Variants in IL1RAPL1 observed in about 807,000 individuals in gnomAD.
IL1RAPL1 encodes interleukin 1 receptor accessory protein like 1.
Under a neutral mutation model 48.4 loss-of-function variants are expected in IL1RAPL1, and 3 were observed. The observed-to-expected ratio is 0.06, with a 90% CI of 0.03 to 0.16. The LOEUF (loss-of-function observed/expected upper bound fraction) is 0.16. IL1RAPL1 is among the 10% of genes least tolerant of loss of function. The probability of loss-of-function intolerance (pLI) is 1.00; values close to 1 mark genes in which losing one functional copy is unlikely to be tolerated. For missense variants in IL1RAPL1, 349 were observed against 530.6 expected (o/e 0.66, Z 3.36); for synonymous variants, 185 against 187.7 (o/e 0.99, Z 0.12).
At chrX:29,166,889 A>G (rs921533691) in intron 2 of IL1RAPL1, among the ~76,000 whole-genome samples, 5 of 111,703 alleles carry the variant, frequency 4.5e-5, no homozygotes, top group African/African-American at 1.6e-4. Context: ...ACTTCAGCCA[A>G]TTATCTCCTT....
At chrX:29,533,555 G>T (rs189352671) in intron 5 of IL1RAPL1, among the ~76,000 whole-genome samples, 70 of 112,048 alleles carry the variant, frequency 6.2e-4, no homozygotes, top group Non-Finnish European at 1.2e-3. Flanking sequence ...ATGCTGCTAT[G>T]AATGTTTTTG....
At chrX:28,637,353 A>T (rs1019584383) in intron 1 of IL1RAPL1, among the ~76,000 whole-genome samples, 4 of 111,881 alleles carry the variant, frequency 3.6e-5, no homozygotes, top group Admixed American at 1.9e-4. Context: ...TTCCCTGTCC[A>T]ACCAGATATA....
intron 3 of IL1RAPL1, among the ~76,000 whole-genome samples, chrX:29,296,093 A>G (rs1354983220): frequency 8.9e-6 from 1 of 112,160 alleles, no homozygotes; most frequent in Admixed American, 9.4e-5. Flanking sequence ...TCAGGCAGAG[A>G]TGTGTTTTCA....
At chrX:29,583,624 G>A (rs61171147) in intron 5 of IL1RAPL1, among the ~76,000 whole-genome samples, 7,460 of 68,221 alleles carry the variant, frequency 0.11, 697 homozygotes, top group African/African-American at 0.24. Flanking sequence ...AATCAATATC[G>A]TGAAAATGGC....
chrX:29,593,121 T>A (rs751206390), intron 5 of IL1RAPL1, among the ~76,000 whole-genome samples: 59 of 111,763 alleles, frequency 5.3e-4, no homozygotes, highest in African/African-American at 1.9e-3. Context: ...CCATGGTGTT[T>A]GCTAGGTTTT....
intron 2 of IL1RAPL1, among the ~76,000 whole-genome samples, chrX:28,938,733 AACAG>A (rs753829932): frequency 7.4e-4 from 83 of 111,793 alleles, no homozygotes; most frequent in African/African-American, 2.1e-3. Context: ...CAACAGAGTA[AACAG>A]ACAGCCTACA....
chrX:29,357,319 T>C (rs1933318402), intron 3 of IL1RAPL1, among the ~76,000 whole-genome samples: 1 of 112,169 alleles, frequency 8.9e-6, no homozygotes, highest in South Asian at 3.7e-4. Flanking sequence ...AAATCCTGTT[T>C]TTTTACTTAG....
chrX:29,810,033 G>C (rs1165346210), intron 6 of IL1RAPL1, among the ~76,000 whole-genome samples: 1 of 110,631 alleles, frequency 9.0e-6, no homozygotes, highest in African/African-American at 3.3e-5. Flanking sequence ...CTGCCTGTAA[G>C]AATTTGGTTG....
rs141331983 is a variant in IL1RAPL1, at chrX:29,879,218, A to G, written c.779-38246A>G. Among the ~76,000 whole-genome samples, 548 of 110,710 alleles carry G rather than the reference A, an allele frequency of 4.9e-3. 3 individuals carry two copies. The highest frequency in any genetic ancestry group is 0.017 in the African/African-American group (528 of 30,494). ...ATTCAGGAAAAGATAAAACTATAGTAATAGAGAACAGAACAGTGGTTGCCT... is the reference window on the plus strand; with the variant it reads ...ATTCAGGAAAAGATAAAACTATAGTGATAGAGAACAGAACAGTGGTTGCCT... On this transcript the variant is annotated intron_variant, in intron 6 of 10. Transcript: ENST00000378993.
intron 2 of IL1RAPL1, among the ~76,000 whole-genome samples, chrX:29,091,030 A>T (rs1928078441): frequency 8.9e-6 from 1 of 112,271 alleles, no homozygotes; most frequent in African/African-American, 3.2e-5. Flanking sequence ...CTTCCAAGGA[A>T]TGGCACTGAC....
chrX:29,279,351 G>A (rs760375104), intron 2 of IL1RAPL1, among the ~76,000 whole-genome samples: 143 of 110,754 alleles, frequency 1.3e-3, no homozygotes, highest in African/African-American at 4.5e-3. Flanking sequence ...CAGGAGAATC[G>A]CTTGAACCTG....
intron 2 of IL1RAPL1, among the ~76,000 whole-genome samples, chrX:29,039,918 A>G (rs1926810126): frequency 9.0e-6 from 1 of 110,899 alleles, no homozygotes; most frequent in Non-Finnish European, 1.9e-5. Context: ...TATGCAAACA[A>G]CAACAACAAA....
intron 6 of IL1RAPL1, among the ~76,000 whole-genome samples, chrX:29,725,757 A>G (rs908792077): frequency 6.2e-5 from 7 of 112,274 alleles, no homozygotes; most frequent in Non-Finnish European, 9.4e-5. Flanking sequence ...ATCTGTGTCT[A>G]TATACTAGAC....
intron 2 of IL1RAPL1, among the ~76,000 whole-genome samples, chrX:29,162,123 C>T (rs1410738208): frequency 9.0e-6 from 1 of 111,146 alleles, no homozygotes; most frequent in Non-Finnish European, 1.9e-5. Flanking sequence ...AACCAAACAC[C>T]ACATGTTCTC....
At chrX:29,910,672 T>C (rs12853069) in intron 6 of IL1RAPL1, among the ~76,000 whole-genome samples, 7,434 of 111,843 alleles carry the variant, frequency 0.066, 277 homozygotes, top group Admixed American at 0.18. Flanking sequence ...ATTTTAGATA[T>C]GATGTTGACA....
At chrX:28,771,864 G>A (rs994724543) in intron 1 of IL1RAPL1, among the ~76,000 whole-genome samples, 65 of 103,288 alleles carry the variant, frequency 6.3e-4, no homozygotes, top group Non-Finnish European at 8.8e-4. Context: ...CCGGGAAGCG[G>A]AGCTTGCAGT....
chrX:29,430,992 T>C (rs775018836), intron 5 of IL1RAPL1, among the ~76,000 whole-genome samples: 1 of 111,577 alleles, frequency 9.0e-6, no homozygotes, highest in South Asian at 3.7e-4. Flanking sequence ...GCGTGATCCA[T>C]GTTTGTAACT....
chrX:29,246,150 CTTTTTTTTTTT>C (rs761809643), intron 2 of IL1RAPL1, among the ~76,000 whole-genome samples: 4 of 52,031 alleles, frequency 7.7e-5, no homozygotes, highest in African/African-American at 2.1e-4. Context: ...TCTCATCGCT[CTTTTTTTTTTT>C]TTTTTTTTTT....
At chrX:29,042,124 A>C (rs1926860493) in intron 2 of IL1RAPL1, among the ~76,000 whole-genome samples, 1 of 112,153 alleles carries the variant, frequency 8.9e-6, no homozygotes, top group Admixed American at 9.5e-5. Flanking sequence ...GCTGGAGCTC[A>C]GAACATAGGC....
Sources: gnomAD v4.1 joint callset for allele counts (sites outside exome capture counted in the v4.1 genomes callset) on GRCh38, gnomAD v4.1.1 for gene constraint, MANE v1.5 for transcripts, NCBI Gene and HGNC (gene_info 2026-07-23, HGNC 2026-07-21) for gene names.